Variants in PTPRD observed in about 807,000 individuals in gnomAD.
PTPRD encodes receptor-type tyrosine-protein phosphatase delta.
Under a neutral mutation model 214.5 loss-of-function variants are expected in PTPRD, and 34 were observed. That is an observed-to-expected ratio of 0.16 (90% CI 0.12 to 0.21). PTPRD has a LOEUF of 0.21. PTPRD is among the 10% of genes least tolerant of loss of function. The pLI, the probability that PTPRD is intolerant of heterozygous loss-of-function variation, is 1.00. For synonymous variants in PTPRD, 1,128 were observed against 845.7 expected, an observed-to-expected ratio of 1.33 and a Z score of -5.79; for missense variants, 2,545 against 2,398.7, an observed-to-expected ratio of 1.06 and a Z score of -1.27.
At chr9:9,649,118 T>C (rs537068307) in intron 7 of PTPRD, among the ~76,000 whole-genome samples, 270 of 152,172 alleles carry the variant, frequency 1.8e-3, no homozygotes, top group African/African-American at 6.3e-3. Flanking sequence ...TTATTCAGGG[T>C]CTGTGACTAA....
chr9:9,473,127 T>C (rs979992819), intron 8 of PTPRD, among the ~76,000 whole-genome samples: 3 of 152,198 alleles, frequency 2.0e-5, no homozygotes, highest in Non-Finnish European at 2.9e-5. Context: ...CCCCTCTCCC[T>C]ACACTTCCCA....
intron 5 of PTPRD, among the ~76,000 whole-genome samples, chr9:9,911,000 T>C (rs2079028932): frequency 6.6e-6 from 1 of 152,058 alleles, no homozygotes; most frequent in Admixed American, 6.6e-5. Context: ...CAATTCATTG[T>C]TTCATATCTG....
intron 13 of PTPRD, among the ~76,000 whole-genome samples, chr9:8,634,235 C>T (rs2096354817): frequency 6.7e-6 from 1 of 148,318 alleles, no homozygotes; most frequent in African/African-American, 2.6e-5. Context: ...AATTCAAGTA[C>T]CACTTAAAAA....
chr9:10,321,237 A>T (rs1322653722), intron 3 of PTPRD, among the ~76,000 whole-genome samples: 3 of 152,116 alleles, frequency 2.0e-5, no homozygotes, highest in African/African-American at 7.2e-5. Context: ...CTGCTGTAAG[A>T]GAGTGTCTGA....
chr9:10,590,349 T>C (rs1384178012), intron 2 of PTPRD, among the ~76,000 whole-genome samples: 1 of 152,000 alleles, frequency 6.6e-6, no homozygotes, highest in Non-Finnish European at 1.5e-5. Flanking sequence ...TATATACAAT[T>C]AAATGCACCT....
chr9:9,245,680 T>C (rs1466154323), intron 9 of PTPRD, among the ~76,000 whole-genome samples: 1 of 152,010 alleles, frequency 6.6e-6, no homozygotes, highest in African/African-American at 2.4e-5. Flanking sequence ...AATGATGAGT[T>C]GATGGGTGCA....
intron 22 of PTPRD, among the ~76,000 whole-genome samples, chr9:8,506,670 GA>G (rs35660830): frequency 0.098 from 14,888 of 152,206 alleles, 825 homozygotes; most frequent in Non-Finnish European, 0.12. Context: ...TATTGATGGT[GA>G]AACCCTTAGA....
intron 11 of PTPRD, among the ~76,000 whole-genome samples, chr9:8,895,608 A>ATGTG (rs1223340539): frequency 6.6e-6 from 1 of 152,160 alleles, no homozygotes; most frequent in African/African-American, 2.4e-5. Context: ...TCTCCCCGAT[A>ATGTG]TGTGTGCAAT....
At chr9:8,971,475 G>T (rs1383612146) in intron 11 of PTPRD, among the ~76,000 whole-genome samples, 1 of 151,644 alleles carries the variant, frequency 6.6e-6, no homozygotes, top group South Asian at 2.1e-4. Flanking sequence ...CTGTGAGATG[G>T]GAAGGACAGT....
At chr9:9,690,824 G>A (rs769350008) in intron 7 of PTPRD, among the ~76,000 whole-genome samples, 9 of 151,822 alleles carry the variant, frequency 5.9e-5, no homozygotes, top group Admixed American at 1.3e-4. Flanking sequence ...TGGTGTATGT[G>A]TCTTCTTTTA....
At chr9:10,176,094 G>GT (rs762206933) in intron 3 of PTPRD, among the ~76,000 whole-genome samples, 9 of 151,440 alleles carry the variant, frequency 5.9e-5, no homozygotes, top group South Asian at 2.1e-4. Context: ...AAAAGCAAAG[G>GT]TTTTTTTTCT....
At chr9:9,668,898 T>C (rs2096773999) in intron 7 of PTPRD, among the ~76,000 whole-genome samples, 1 of 152,142 alleles carries the variant, frequency 6.6e-6, no homozygotes, top group African/African-American at 2.4e-5. Flanking sequence ...TATTGACCAA[T>C]CCTGAACTTT....
At chr9:9,546,239 T>A (rs1447194899) in intron 8 of PTPRD, among the ~76,000 whole-genome samples, 3 of 151,490 alleles carry the variant, frequency 2.0e-5, no homozygotes, top group Non-Finnish European at 4.4e-5. Flanking sequence ...TTGTGGAATT[T>A]TTGGAATTTT....
At chr9:9,658,496 G>A (rs1393579053) in intron 7 of PTPRD, among the ~76,000 whole-genome samples, 1 of 152,104 alleles carries the variant, frequency 6.6e-6, no homozygotes, top group Non-Finnish European at 1.5e-5. Flanking sequence ...TGAATGACAT[G>A]TAGTAGGAGT....
In PTPRD at chr9:10,094,112, T is replaced by C. The variant is rs184467760; in HGVS notation, c.-544-60322A>G. On this transcript the variant is annotated intron_variant, in intron 3 of 45. Transcript: ENST00000381196. ...AATCAACGTTAAAAATAAAATAAAA[T>C]AAAATATATGTTTAAAGCTTCCAGA... 1.5e-3 allele frequency among the ~76,000 whole-genome samples: 233 copies of C among 151,522 alleles called. 1 individual carries two copies. The highest frequency in any genetic ancestry group is 5.3e-3 in the African/African-American group (220 of 41,438).
chr9:8,676,492 C>T (rs1445657972), intron 12 of PTPRD, among the ~76,000 whole-genome samples: 1 of 150,740 alleles, frequency 6.6e-6, no homozygotes, highest in Non-Finnish European at 1.5e-5. Flanking sequence ...AAGCAATTCT[C>T]ATGCCCCAGC....
chr9:9,478,386 T>C (rs980215797), intron 8 of PTPRD, among the ~76,000 whole-genome samples: 1 of 152,122 alleles, frequency 6.6e-6, no homozygotes, highest in African/African-American at 2.4e-5. Flanking sequence ...ATAACAATAG[T>C]AAAAATAAAA....
At chr9:8,539,796 G>A (rs1460206793) in intron 14 of PTPRD, among the ~76,000 whole-genome samples, 1 of 152,014 alleles carries the variant, frequency 6.6e-6, no homozygotes, top group African/African-American at 2.4e-5. Flanking sequence ...AAAGACTGAG[G>A]AACTCTTCCA....
intron 9 of PTPRD, among the ~76,000 whole-genome samples, chr9:9,306,037 C>G (rs1957022480): frequency 6.6e-6 from 1 of 152,092 alleles, no homozygotes; most frequent in Admixed American, 6.6e-5. Flanking sequence ...CACTAAATAC[C>G]AGTCATAACA....
Sources: gnomAD v4.1 joint callset for allele counts (sites outside exome capture counted in the v4.1 genomes callset) on GRCh38, gnomAD v4.1.1 for gene constraint, MANE v1.5 for transcripts, NCBI Gene and HGNC (gene_info 2026-07-23, HGNC 2026-07-21) for gene names.